Variants in SCOC observed in about 807,000 individuals in gnomAD.
The protein encoded by SCOC is short coiled coil protein.
A neutral mutation model predicts 9.9 loss-of-function variants in SCOC; 7 were observed. The ratio of observed to expected loss-of-function variants is 0.71; its 90% CI spans 0.40 to 1.33. The LOEUF (loss-of-function observed/expected upper bound fraction) is 1.33. SCOC is among the 40% of genes most tolerant of loss of function. The pLI, the probability that SCOC is intolerant of heterozygous loss-of-function variation, is 0.01. For synonymous variants in SCOC, 19 were observed against 28.2 expected, an observed-to-expected ratio of 0.67 and a Z score of 1.03; for missense variants, 66 against 89.7, an observed-to-expected ratio of 0.74 and a Z score of 1.07.
intron 1 of SCOC, among the ~76,000 whole-genome samples, chr4:140,262,308 C>T (rs983671360): frequency 6.6e-6 from 1 of 152,132 alleles, no homozygotes; most frequent in Non-Finnish European, 1.5e-5. Flanking sequence ...TTATGGGCAC[C>T]TTTGTTTGCT....
At chr4:140,272,895 G>T (rs1730880694) in intron 1 of SCOC, among the ~76,000 whole-genome samples, 1 of 152,096 alleles carries the variant, frequency 6.6e-6, no homozygotes, top group Non-Finnish European at 1.5e-5. Context: ...CTAAACCATT[G>T]GTCTAAGAAA....
intron 1 of SCOC, among the ~76,000 whole-genome samples, chr4:140,276,355 T>A (rs1730982174): frequency 6.6e-6 from 1 of 151,974 alleles, no homozygotes; most frequent in Non-Finnish European, 1.5e-5. Flanking sequence ...GCCAGGCTGG[T>A]CTGAAACTCC....
chr4:140,311,625 G>A (rs1273704715), intron 1 of SCOC, among the ~76,000 whole-genome samples: 1 of 152,200 alleles, frequency 6.6e-6, no homozygotes, highest in Non-Finnish European at 1.5e-5. Flanking sequence ...GCCTGGATGT[G>A]TGTTGATATC....
intron 1 of SCOC, among the ~76,000 whole-genome samples, chr4:140,287,634 G>A (rs1731332397): frequency 6.6e-6 from 1 of 151,876 alleles, no homozygotes; most frequent in Admixed American, 6.6e-5. Flanking sequence ...ATATGCACAT[G>A]CCACACAGAG....
intron 2 of SCOC, among the ~76,000 whole-genome samples, chr4:140,346,330 A>G (rs1030255426): frequency 1.3e-5 from 2 of 152,150 alleles, no homozygotes; most frequent in Non-Finnish European, 2.9e-5. Flanking sequence ...CGAGTGCGGT[A>G]TTGGAAGCTG....
chr4:140,267,867 TG>T (rs1311327183), intron 1 of SCOC, among the ~76,000 whole-genome samples: 1 of 152,178 alleles, frequency 6.6e-6, no homozygotes, highest in Non-Finnish European at 1.5e-5. Flanking sequence ...AATTCCCTGG[TG>T]GTTTCTGTTT....
chr4:140,358,820 A>G (rs1008926210), intron 2 of SCOC, among the ~76,000 whole-genome samples: 1 of 152,230 alleles, frequency 6.6e-6, no homozygotes, highest in African/African-American at 2.4e-5. Context: ...TAGAATCACC[A>G]TTCCATTTTA....
chr4:140,313,550 C>T (rs184271861), intron 1 of SCOC, among the ~76,000 whole-genome samples: 12 of 152,190 alleles, frequency 7.9e-5, no homozygotes, highest in Middle Eastern at 3.4e-3. Context: ...CTGTGCCCGG[C>T]GGAAATATAG....
At chr4:140,268,231 G>A (rs558787219) in intron 1 of SCOC, among the ~76,000 whole-genome samples, 1 of 152,134 alleles carries the variant, frequency 6.6e-6, no homozygotes, top group Non-Finnish European at 1.5e-5. Flanking sequence ...AATTACTGTC[G>A]CATTCTTGGG....
intron 2 of SCOC, among the ~76,000 whole-genome samples, chr4:140,362,299 C>CTTCT (rs367795160): frequency 2.6e-5 from 1 of 38,346 alleles, no homozygotes; most frequent in African/African-American, 7.5e-5. Context: ...TCTTCTTCTT[C>CTTCT]TTTTTTTTTT....
chr4:140,345,257 TC>T (rs1369388551), intron 2 of SCOC, among the ~76,000 whole-genome samples: 1 of 152,130 alleles, frequency 6.6e-6, no homozygotes, highest in African/African-American at 2.4e-5. Flanking sequence ...GTCCCCTTGC[TC>T]CCAATTGCCG....
chr4:140,368,570 C>G (rs192505010), intron 2 of SCOC, among the ~76,000 whole-genome samples: 61 of 152,186 alleles, frequency 4.0e-4, no homozygotes, highest in African/African-American at 1.4e-3. Context: ...AAGGACATAC[C>G]TGGAAGAAAA....
chr4:140,259,370 G>T (rs1730579022), intron 1 of SCOC, among the ~76,000 whole-genome samples: 1 of 152,080 alleles, frequency 6.6e-6, no homozygotes, highest in South Asian at 2.1e-4. Flanking sequence ...TCTCATGTGT[G>T]GTCCATTGCA....
intron 1 of SCOC, among the ~76,000 whole-genome samples, chr4:140,316,684 C>T (rs1560697648): frequency 6.6e-6 from 1 of 152,126 alleles, no homozygotes. Flanking sequence ...CACCCCACTG[C>T]ACCCCAGAAG....
chr4:140,373,518 G>A (rs539903607), upstream of SCOC: 1 of 1,551,720 alleles, frequency 6.4e-7, no homozygotes, highest in Non-Finnish European at 8.7e-7. Flanking sequence ...TTGGACGACT[G>A]GGGTGAGGCG....
At position 140,327,589 on chromosome 4, in the gene SCOC, G is replaced by A. The variant is rs145758756; in HGVS notation, c.-18-16032G>A. The stretch of plus-strand genomic sequence containing the variant: ...CTGGGGCTTGATCCCAGGAGGTAAA[G>A]GGCAGCTTGGATAACATAGCGAGAC... On this transcript the variant is annotated intron_variant, in intron 1 of 4. Transcript: ENST00000394205. Among the ~76,000 whole-genome samples, 1,169 of 152,268 alleles carry A rather than the reference G, an allele frequency of 7.7e-3. 12 individuals are homozygous for A. Among genetic ancestry groups the A allele is most frequent in the African/African-American group, 0.027 (1,117 of 41,540 alleles).
intron 1 of SCOC, among the ~76,000 whole-genome samples, chr4:140,323,121 G>A (rs1732548430): frequency 6.6e-6 from 1 of 152,298 alleles, no homozygotes; most frequent in Middle Eastern, 3.4e-3. Context: ...TGTTGAAGGT[G>A]GGGCTTGGTG....
chr4:140,262,970 C>T (rs1730664525), intron 1 of SCOC, among the ~76,000 whole-genome samples: 1 of 152,168 alleles, frequency 6.6e-6, no homozygotes, highest in Non-Finnish European at 1.5e-5. Flanking sequence ...GGCCCCCCCT[C>T]CAACCCTGAG....
chr4:140,380,599 T>A (rs1728537083), intron 3 of SCOC, among the ~76,000 whole-genome samples: 1 of 152,232 alleles, frequency 6.6e-6, no homozygotes, highest in African/African-American at 2.4e-5. Context: ...ACTGCCTGTA[T>A]TCAGTATATG....
Sources: gnomAD v4.1 joint callset for allele counts (sites outside exome capture counted in the v4.1 genomes callset) on GRCh38, gnomAD v4.1.1 for gene constraint, MANE v1.5 for transcripts, NCBI Gene and HGNC (gene_info 2026-07-23, HGNC 2026-07-21) for gene names.